The following ENTREP2 variants were observed in gnomAD, a reference collection of about 807,000 sequenced individuals.
The protein encoded by ENTREP2 is endosomal transmembrane epsin interactor 2, also known as protein ENTREP2.
At chr15:29,247,327 C>G in the ENTREP2 span, among the ~76,000 whole-genome samples, 1 of 152,098 alleles carries the variant, frequency 6.6e-6, no homozygotes, top group Non-Finnish European at 1.5e-5. Context: ...GATGCCAATT[C>G]AAATCTCAAA....
the ENTREP2 span, among the ~76,000 whole-genome samples, chr15:29,149,797 G>A: frequency 6.6e-6 from 1 of 152,226 alleles, no homozygotes; most frequent in African/African-American, 2.4e-5. Context: ...CGGCAGCAGA[G>A]CCGGGGGTCT....
At chr15:29,289,298 G>A in the ENTREP2 span, among the ~76,000 whole-genome samples, 1 of 151,984 alleles carries the variant, frequency 6.6e-6, no homozygotes, top group African/African-American at 2.4e-5. Context: ...TGTCAAGTAA[G>A]CATGAAAAGG....
chr15:29,594,213 G>A, the ENTREP2 span, among the ~76,000 whole-genome samples: 3 of 152,192 alleles, frequency 2.0e-5, no homozygotes, highest in Non-Finnish European at 4.4e-5. Context: ...AACAGATAGG[G>A]AGGATAAGTT....
chr15:29,466,599 CA>C, the ENTREP2 span, among the ~76,000 whole-genome samples: 1 of 135,066 alleles, frequency 7.4e-6, no homozygotes. Flanking sequence ...GAGGATGCTG[CA>C]GCCCCCAGGG....
chr15:29,229,789 A>G, the ENTREP2 span, among the ~76,000 whole-genome samples: 378 of 151,832 alleles, frequency 2.5e-3, 1 homozygote, highest in Non-Finnish European at 3.9e-3. Context: ...TGCTCTTCTC[A>G]TTTTATCCTC....
At chr15:29,461,167 G>A in the ENTREP2 span, among the ~76,000 whole-genome samples, 3 of 152,270 alleles carry the variant, frequency 2.0e-5, no homozygotes, top group East Asian at 5.8e-4. Context: ...TGCTCTGTGT[G>A]ATGTTTGTGA....
the ENTREP2 span, among the ~76,000 whole-genome samples, chr15:29,540,374 T>A: frequency 6.6e-6 from 1 of 152,144 alleles, no homozygotes; most frequent in South Asian, 2.1e-4. Context: ...TTATACCCCA[T>A]AAATATGTAC....
chr15:29,596,954 G>A, the ENTREP2 span, among the ~76,000 whole-genome samples: 2 of 152,072 alleles, frequency 1.3e-5, no homozygotes, highest in East Asian at 3.9e-4. Flanking sequence ...ACAGATGTGA[G>A]CCACCGCACT....
the ENTREP2 span, chr15:29,128,711 G>T: frequency 9.5e-7 from 1 of 1,053,684 alleles, no homozygotes; most frequent in East Asian, 2.6e-5. Context: ...GAAGAGAAGA[G>T]AATAGGACGA....
the ENTREP2 span, among the ~76,000 whole-genome samples, chr15:29,315,854 C>T: frequency 7.2e-5 from 11 of 152,152 alleles, no homozygotes; most frequent in African/African-American, 2.4e-4. Context: ...ACTGACCCCA[C>T]GCGATATCAC....
the ENTREP2 span, among the ~76,000 whole-genome samples, chr15:29,182,656 AAGAG>A: frequency 2.7e-5 from 4 of 150,362 alleles, no homozygotes; most frequent in East Asian, 3.9e-4. Flanking sequence ...ATGAGAAAGA[AAGAG>A]AGAGAGAGAG....
the ENTREP2 span, among the ~76,000 whole-genome samples, chr15:29,310,831 G>A: frequency 6.6e-6 from 1 of 152,160 alleles, no homozygotes; most frequent in Non-Finnish European, 1.5e-5. Flanking sequence ...AGGACTCAAA[G>A]TGAGAAAAAC....
chr15:29,633,679 G>T, the ENTREP2 span, among the ~76,000 whole-genome samples: 1 of 152,164 alleles, frequency 6.6e-6, no homozygotes, highest in Admixed American at 6.5e-5. Context: ...GGGGTGAGGG[G>T]GCCGGGCACG....
At chr15:29,543,011 T>C in the ENTREP2 span, among the ~76,000 whole-genome samples, 1 of 152,214 alleles carries the variant, frequency 6.6e-6, no homozygotes, top group Non-Finnish European at 1.5e-5. Context: ...CTCTTAACTA[T>C]TTTGGTTGAT....
the ENTREP2 span, among the ~76,000 whole-genome samples, chr15:29,414,922 A>G: frequency 3.5e-3 from 529 of 152,320 alleles, 2 homozygotes; most frequent in African/African-American, 0.012. Context: ...ATTCCTCGAC[A>G]CATACACCCT....
At chr15:29,258,311 A>G in the ENTREP2 span, among the ~76,000 whole-genome samples, 87,235 of 151,442 alleles carry the variant, frequency 0.58, 25,244 homozygotes, top group South Asian at 0.64. Flanking sequence ...TTCAAATGAT[A>G]TGTAAATAAA....
the ENTREP2 span, among the ~76,000 whole-genome samples, chr15:29,336,243 G>A: frequency 6.6e-6 from 1 of 151,766 alleles, no homozygotes; most frequent in Non-Finnish European, 1.5e-5. Context: ...AATTGGATGC[G>A]TGGCCTCTGC....
At chr15:29,485,667 AAC>A in the ENTREP2 span, among the ~76,000 whole-genome samples, 1 of 152,244 alleles carries the variant, frequency 6.6e-6, no homozygotes, top group Non-Finnish European at 1.5e-5. Context: ...AACAGCAAAG[AAC>A]AAATAATCCC....
chr15:29,574,685 G>C, the ENTREP2 span, among the ~76,000 whole-genome samples: 1 of 152,198 alleles, frequency 6.6e-6, no homozygotes, highest in African/African-American at 2.4e-5. Flanking sequence ...GGGAGACAAG[G>C]AACACTTACA....
Sources: gnomAD v4.1 joint callset for allele counts (sites outside exome capture counted in the v4.1 genomes callset) on GRCh38, gnomAD v4.1.1 for gene constraint, MANE v1.5 for transcripts, NCBI Gene and HGNC (gene_info 2026-07-23, HGNC 2026-07-21) for gene names.